The following MYLK variants were observed in gnomAD, a reference collection of about 807,000 sequenced individuals.
MYLK encodes myosin light chain kinase, smooth muscle.
MYLK carries 106 observed loss-of-function variants against 203.4 expected under a neutral mutation model. The observed-to-expected ratio is 0.52, with a 90% confidence interval of 0.45 to 0.61. MYLK has a LOEUF of 0.61. Ranked by LOEUF, MYLK falls within the 20% of genes least tolerant of loss-of-function variation. MYLK has a pLI of 0.00. For synonymous variants in MYLK, 867 were observed against 959.5 expected, an observed-to-expected ratio of 0.90 and a Z score of 1.78; for missense variants, 2,072 against 2,442.3, an observed-to-expected ratio of 0.85 and a Z score of 3.20.
At chr3:123,630,765 T>C (rs2058382306) in intron 29 of MYLK, 1 of 152,228 alleles carries the variant, frequency 6.6e-6, no homozygotes, top group African/African-American at 2.4e-5. Context: ...GGAATGACTT[T>C]GTGACCAGCA....
At position 123,707,782 on chromosome 3, in the gene MYLK, G is replaced by A; in HGVS notation, c.2362C>T (p.His788Tyr). The change falls in exon 16 of 34, where the codon CAT (histidine) becomes TAT (tyrosine). Residue 788 changes from histidine to tyrosine, a missense_variant. Transcript: ENST00000360304. ...TLVLKKVQPW[H>Y]AGQYEILLKN... ...AGCAGGATCTCATACTGGCCGGCATGCCAGGGCTGCACCTTCTTTAGAACC... is the reference window on the plus strand; with the variant it reads ...AGCAGGATCTCATACTGGCCGGCATACCAGGGCTGCACCTTCTTTAGAACC... The A allele has an allele frequency of 4.3e-6, 7 of 1,614,234 alleles. No individual in the cohort carries two copies. The highest frequency in any genetic ancestry group is 5.1e-6 in the Non-Finnish European group (6 of 1,180,036).
At chr3:123,654,146 C>T (rs1463130051) in intron 24 of MYLK, among the ~76,000 whole-genome samples, 1 of 151,888 alleles carries the variant, frequency 6.6e-6, no homozygotes, top group African/African-American at 2.4e-5. Flanking sequence ...GTCTCCGTGA[C>T]TTGCACCATA....
chr3:123,697,334 T>C (rs1427623098), intron 18 of MYLK, among the ~76,000 whole-genome samples: 1 of 152,174 alleles, frequency 6.6e-6, no homozygotes, highest in Non-Finnish European at 1.5e-5. Flanking sequence ...GACAGGCCCA[T>C]TGCAAGGTCT....
At chr3:123,759,726 T>C (rs2063474767) in intron 4 of MYLK, among the ~76,000 whole-genome samples, 1 of 152,166 alleles carries the variant, frequency 6.6e-6, no homozygotes, top group Admixed American at 6.5e-5. Flanking sequence ...ACCAAAGCTG[T>C]CTCTTTTCAC....
At position 123,881,404 on chromosome 3, in the gene MYLK, T is replaced by C. The variant is rs531912307; in HGVS notation, c.-186+2802A>G. 3.3e-5 allele frequency among the ~76,000 whole-genome samples: 5 copies of C among 152,302 alleles called. No individual in the cohort carries two copies. In the East Asian group the frequency reaches 9.7e-4, roughly 29 times the overall value. ...TCTTTTGTTGGGAAAGGATACTTTT[T>C]AAGTGTTGTTTCTAAATTTTACTAC... On this transcript the variant is annotated intron_variant, in intron 1 of 33. Transcript: ENST00000360304.
At chr3:123,856,178 A>G (rs1434723419) in intron 2 of MYLK, among the ~76,000 whole-genome samples, 1 of 152,218 alleles carries the variant, frequency 6.6e-6, no homozygotes, top group Non-Finnish European at 1.5e-5. Flanking sequence ...TGGAGAATCT[A>G]TGACACTTCA....
intron 11 of MYLK, 30 bp downstream of exon 11, chr3:123,732,866 A>G (rs766749114): frequency 2.5e-6 from 4 of 1,600,978 alleles, no homozygotes; most frequent in Non-Finnish European, 3.4e-6. Flanking sequence ...CCCACAGAGA[A>G]TGCGGGGTGA....
At chr3:123,862,085 G>C (rs1012061456) in intron 2 of MYLK, among the ~76,000 whole-genome samples, 9 of 152,352 alleles carry the variant, frequency 5.9e-5, no homozygotes, top group Middle Eastern at 3.4e-3. Flanking sequence ...CCTAAGGAAG[G>C]CTCTAAGGCC....
At chr3:123,780,159 C>T (rs1239196614) in intron 4 of MYLK, among the ~76,000 whole-genome samples, 2 of 152,162 alleles carry the variant, frequency 1.3e-5, no homozygotes, top group Non-Finnish European at 2.9e-5. Flanking sequence ...TATGGTTGGG[C>T]GCGGTGGCTC....
At chr3:123,820,644 C>CCTTCCCTCCT (rs1560259887) in intron 3 of MYLK, among the ~76,000 whole-genome samples, 1 of 26,064 alleles carries the variant, frequency 3.8e-5, no homozygotes, top group Non-Finnish European at 1.0e-4. Flanking sequence ...CCTTCCTTCC[C>CCTTCCCTCCT]TCCTTCCTTC....
At position 123,649,051 on chromosome 3, in the gene MYLK, G is replaced by A. The variant is rs756038706; in HGVS notation, c.4335C>T (p.Pro1445=). ...TTGTCACTGTCCGGTAATCAACCTC[G>A]GGCTCCTTCTCATCTGTGGGGCACA... ...VEVSDDDEKE[P]EVDYRTVTIN... The change falls in exon 26 of 34, where the codon CCC becomes CCT. Residue 1445 remains proline (P), a synonymous_variant. Transcript: ENST00000360304. 48 of 1,614,096 alleles carry A rather than the reference G, an allele frequency of 3.0e-5. No individual in the cohort carries two copies. The highest frequency in any genetic ancestry group is 9.3e-5 in the African/African-American group (7 of 75,016).
intron 2 of MYLK, among the ~76,000 whole-genome samples, chr3:123,854,208 C>T (rs1284978707): frequency 6.6e-6 from 1 of 150,470 alleles, no homozygotes; most frequent in Non-Finnish European, 1.5e-5. Context: ...TAAAAATTGC[C>T]CAACCAACCC....
In MYLK at chr3:123,700,088, G is replaced by A. The variant is rs769538142; in HGVS notation, c.3380C>T (p.Ala1127Val). The A allele has an allele frequency of 1.2e-6, 2 of 1,614,006 alleles. No individual in the cohort carries two copies. Among genetic ancestry groups the A allele is most frequent in the Non-Finnish European group, 1.7e-6 (2 of 1,179,990 alleles). The change falls in exon 18 of 34, where the codon GCC (alanine) becomes GTC (valine). Residue 1127 changes from alanine (A) to valine (V), a missense_variant. Ala to Val is a moderately conservative substitution (Grantham distance 64, BLOSUM62 0). This residue lies in a region of MYLK where 865 missense variants were observed against 1,016.0 expected (regional missense o/e 0.85). Coordinates refer to ENST00000360304, the MANE Select transcript of MYLK (RefSeq NM_053025.4). The part of the protein sequence containing the change: ...LQCQVSSDPP[A>V]TIIWTLNGKT... ...TCCGTTCAGCGTCCAGATGATGGTG[G>A]CTGGGGGGTCAGAAGACACCTGGCA... is the stretch of plus-strand genomic sequence containing the variant.
At position 123,648,857 on chromosome 3, in the gene MYLK, C is replaced by A. The variant is rs1422176706; in HGVS notation, c.4415+114G>T. On this transcript the variant is annotated intron_variant, in intron 26 of 33. Coordinates refer to ENST00000360304, the MANE Select transcript of MYLK (RefSeq NM_053025.4). The surrounding 1 kb of genome is among the most constrained non-coding windows in gnomAD (Gnocchi z 4.5). ...CTTTGGATCCTGCAGGACTCTCAGTCTGGGGAGGAGGCAGGCCCCAGGGAG... is the reference window on the plus strand; with the variant it reads ...CTTTGGATCCTGCAGGACTCTCAGTATGGGGAGGAGGCAGGCCCCAGGGAG... The A allele has an allele frequency of 1.2e-6, 1 of 868,478 alleles. No individual in the cohort carries two copies. Among genetic ancestry groups the A allele is most frequent in the South Asian group, 1.4e-5 (1 of 73,804 alleles). The allele number at this position is 868,478 out of a possible 1,614,324, so 53.8% of individuals were successfully genotyped here.
At chr3:123,818,716 C>A (rs1302609332) in intron 3 of MYLK, among the ~76,000 whole-genome samples, 1 of 152,082 alleles carries the variant, frequency 6.6e-6, no homozygotes, top group Non-Finnish European at 1.5e-5. Context: ...ACCCACAACT[C>A]GCAACCACAC....
rs185585805 is a variant in MYLK, at chr3:123,656,352, G to C, written c.4288+774C>G. Among the ~76,000 whole-genome samples, 241 of 152,246 alleles carry C rather than the reference G, an allele frequency of 1.6e-3. 1 individual carries two copies. The highest frequency in any genetic ancestry group is 2.5e-3 in the Non-Finnish European group (168 of 68,016). The stretch of plus-strand genomic sequence containing the variant: ...CCAGCTCTAATCGTCTCGATCCCCT[G>C]CCTGAGAATCTTTGATGAACTTCAC... On this transcript the variant is annotated intron_variant, in intron 24 of 33. Coordinates refer to ENST00000360304, the MANE Select transcript of MYLK (RefSeq NM_053025.4).
At chr3:123,752,214 G>T in intron 5 of MYLK, 117 bp downstream of exon 5, 1 of 1,075,704 alleles carries the variant, frequency 9.3e-7, no homozygotes, top group Non-Finnish European at 1.4e-6. Flanking sequence ...CAAGGATGGG[G>T]TGTGTTTTCT....
At chr3:123,813,830 A>G (rs538919527) in intron 3 of MYLK, among the ~76,000 whole-genome samples, 2 of 152,218 alleles carry the variant, frequency 1.3e-5, no homozygotes, top group African/African-American at 4.8e-5. Context: ...CCTCTTAAGC[A>G]CTAGAGGCAA....
chr3:123,797,747 A>G (rs1200225078), intron 3 of MYLK, among the ~76,000 whole-genome samples: 3 of 152,224 alleles, frequency 2.0e-5, no homozygotes, highest in African/African-American at 7.2e-5. Context: ...AAATGGAATG[A>G]TCATATCAGC....
Sources: allele counts gnomAD v4.1 joint callset (sites outside exome capture counted in the v4.1 genomes callset), GRCh38; gene constraint gnomAD v4.1.1; regional missense constraint gnomAD v4.1.1; non-coding constraint Gnocchi (gnomAD v3.1); transcripts MANE v1.5; gene names NCBI Gene and HGNC (gene_info 2026-07-23, HGNC 2026-07-21).